Variants in SRGAP1 observed in about 807,000 individuals in gnomAD.
SRGAP1 encodes SLIT-ROBO Rho GTPase activating protein 1, also known as SLIT-ROBO Rho GTPase-activating protein 1.
In SRGAP1, 43 loss-of-function variants were observed where a neutral mutation model predicts 121.9. The ratio of observed to expected loss-of-function variants is 0.35; its 90% confidence interval spans 0.28 to 0.46. SRGAP1 has a LOEUF of 0.46. Among genes scored for constraint, SRGAP1 ranks in the 20% least tolerant of loss-of-function variants. SRGAP1 has a pLI of 1.00. For synonymous variants in SRGAP1, 447 were observed against 485.4 expected (o/e 0.92, Z 1.04); for missense variants, 1,102 against 1,350.9 (o/e 0.82, Z 2.89).
chr12:63,917,471 A>G (rs2030838294), intron 1 of SRGAP1, among the ~76,000 whole-genome samples: 1 of 152,114 alleles, frequency 6.6e-6, no homozygotes, highest in African/African-American at 2.4e-5. Context: ...GTGTGTTGGG[A>G]GCAATGTGAG....
At chr12:64,005,108 G>T (rs2034039885) in intron 3 of SRGAP1, among the ~76,000 whole-genome samples, 1 of 152,280 alleles carries the variant, frequency 6.6e-6, no homozygotes, top group Admixed American at 6.5e-5. Context: ...ATTATTGTGA[G>T]TGAAGCAGTT....
intron 6 of SRGAP1, among the ~76,000 whole-genome samples, chr12:64,057,867 G>A (rs539251761): frequency 6.6e-6 from 1 of 152,310 alleles, no homozygotes; most frequent in South Asian, 2.1e-4. Flanking sequence ...TCACATGGGA[G>A]CCTGGGGCTG....
At chr12:63,909,769 C>T (rs1388038938) in intron 1 of SRGAP1, among the ~76,000 whole-genome samples, 2 of 152,204 alleles carry the variant, frequency 1.3e-5, no homozygotes, top group Non-Finnish European at 2.9e-5. Flanking sequence ...ACAGAGCAAA[C>T]AGGATATATT....
intron 1 of SRGAP1, among the ~76,000 whole-genome samples, chr12:63,877,296 T>C (rs1900060908): frequency 6.6e-6 from 1 of 152,196 alleles, no homozygotes; most frequent in African/African-American, 2.4e-5. Flanking sequence ...TTTGTGTGTG[T>C]ATGTATTTTG....
intron 4 of SRGAP1, among the ~76,000 whole-genome samples, chr12:64,032,186 T>C (rs1406542015): frequency 2.0e-5 from 3 of 152,118 alleles, no homozygotes; most frequent in Non-Finnish European, 2.9e-5. Flanking sequence ...CCTGGGACAG[T>C]GTCCCATGCT....
intron 1 of SRGAP1, among the ~76,000 whole-genome samples, chr12:63,900,672 G>A: frequency 6.6e-6 from 1 of 152,002 alleles, no homozygotes; most frequent in East Asian, 2.0e-4. Context: ...AAATTAGCCA[G>A]GTGTGGTGGC....
chr12:63,927,791 A>T (rs1204967115), intron 1 of SRGAP1, among the ~76,000 whole-genome samples: 1 of 152,040 alleles, frequency 6.6e-6, no homozygotes, highest in Non-Finnish European at 1.5e-5. Flanking sequence ...TAATGTTCCC[A>T]GTTCCCTCAA....
intron 4 of SRGAP1, among the ~76,000 whole-genome samples, chr12:64,039,884 G>A (rs2034980178): frequency 2.0e-5 from 3 of 152,004 alleles, no homozygotes; most frequent in South Asian, 4.2e-4. Flanking sequence ...TTAAACTGGA[G>A]TAGCCAACCA....
At chr12:63,978,980 C>G (rs1057269646) in intron 1 of SRGAP1, among the ~76,000 whole-genome samples, 3 of 150,038 alleles carry the variant, frequency 2.0e-5, no homozygotes, top group African/African-American at 7.3e-5. Context: ...TCATATGCTA[C>G]TGGCCATTTG....
At chr12:63,872,909 A>G (rs558480915) in intron 1 of SRGAP1, among the ~76,000 whole-genome samples, 341 of 152,326 alleles carry the variant, frequency 2.2e-3, no homozygotes, top group Non-Finnish European at 3.6e-3. Context: ...GGAGAGTACA[A>G]TACAAACTCA....
chr12:63,944,299 G>A (rs1203797431), intron 1 of SRGAP1, among the ~76,000 whole-genome samples: 2 of 152,154 alleles, frequency 1.3e-5, no homozygotes, highest in Non-Finnish European at 2.9e-5. Flanking sequence ...TGAAGGGCTT[G>A]TAAACAACAG....
chr12:64,091,249 C>T (rs748824588), intron 11 of SRGAP1, 27 bp from the exon 12 acceptor site: 1 of 1,477,502 alleles, frequency 6.8e-7, no homozygotes, highest in Non-Finnish European at 9.2e-7. Context: ...TTCTGCCATG[C>T]TCAGTAATTA....
intron 3 of SRGAP1, among the ~76,000 whole-genome samples, chr12:64,013,093 A>T (rs559161372): frequency 3.9e-5 from 6 of 152,158 alleles, no homozygotes; most frequent in Non-Finnish European, 5.9e-5. Flanking sequence ...TAATTAAAGG[A>T]TTTCAGTTCA....
chr12:63,894,488 T>G (rs1173012683), intron 1 of SRGAP1, among the ~76,000 whole-genome samples: 2 of 151,952 alleles, frequency 1.3e-5, no homozygotes, highest in Admixed American at 6.6e-5. Flanking sequence ...TTTTTTTAAT[T>G]ATACTTCAAG....
chr12:64,107,724 T>C (rs1255026257), intron 15 of SRGAP1, among the ~76,000 whole-genome samples: 1 of 152,182 alleles, frequency 6.6e-6, no homozygotes, highest in East Asian at 1.9e-4. Flanking sequence ...TTCAAGTATT[T>C]TCATGAATAT....
chr12:63,926,294 G>A (rs147034921), intron 1 of SRGAP1, among the ~76,000 whole-genome samples: 9 of 152,250 alleles, frequency 5.9e-5, no homozygotes, highest in African/African-American at 2.2e-4. Flanking sequence ...CCTATGCTGT[G>A]TGTTGGGTGC....
chr12:64,149,703 T>G lies in SRGAP1; in HGVS notation c.*7031T>G, dbSNP rs2037097849. 1 of 152,142 alleles carries G rather than the reference T, an allele frequency of 6.6e-6. No homozygotes were observed. The highest frequency in any genetic ancestry group is 1.5e-5 in the Non-Finnish European group (1 of 68,034). 9.4% of individuals were successfully genotyped at this position (152,142 alleles called of 1,614,324 possible). On this transcript the variant is annotated 3_prime_UTR_variant, in exon 22 of 22. Transcript: ENST00000355086. ...CAAGGGTGTTTGCTGGCTTCTGCCT[T>G]GAGTAGTTGGGACTCCTAAAAAGGA...
chr12:63,895,887 T>G (rs904600128), intron 1 of SRGAP1, among the ~76,000 whole-genome samples: 2 of 152,252 alleles, frequency 1.3e-5, no homozygotes, highest in Non-Finnish European at 2.9e-5. Context: ...GGGAGCATTC[T>G]GCACCCTGCA....
At chr12:63,926,092 A>G (rs1380040643) in intron 1 of SRGAP1, among the ~76,000 whole-genome samples, 1 of 152,188 alleles carries the variant, frequency 6.6e-6, no homozygotes, top group Non-Finnish European at 1.5e-5. Context: ...TCATGTTCTA[A>G]AAATGATTGG....
Sources: allele counts gnomAD v4.1 joint callset (sites outside exome capture counted in the v4.1 genomes callset), GRCh38; gene constraint gnomAD v4.1.1; transcripts MANE v1.5; gene names NCBI Gene and HGNC (gene_info 2026-07-23, HGNC 2026-07-21).